SUMF1: variants seen among roughly 807,000 people sequenced by gnomAD.
The protein encoded by SUMF1 is sulfatase modifying factor 1.
SUMF1 carries 48 observed loss-of-function variants against 47.6 expected under a neutral mutation model. The observed-to-expected ratio is 1.01, with a 90% CI of 0.80 to 1.28. The LOEUF is 1.28. Ranked by LOEUF, SUMF1 falls within the 50% of genes most tolerant of loss-of-function variation. The pLI is 0.00. For missense variants in SUMF1, 571 were observed against 485.4 expected, an observed-to-expected ratio of 1.18 and a Z score of -1.66; for synonymous variants, 230 against 192.1, an observed-to-expected ratio of 1.20 and a Z score of -1.63.
At chr3:4,436,292 T>C (rs1702394982) in intron 3 of SUMF1, among the ~76,000 whole-genome samples, 1 of 152,180 alleles carries the variant, frequency 6.6e-6, no homozygotes, top group African/African-American at 2.4e-5. Context: ...CTTAAAGTGT[T>C]AAAATGTTAA....
At chr3:4,268,851 C>T (rs192943651) in intron 8 of SUMF1, among the ~76,000 whole-genome samples, 236 of 151,952 alleles carry the variant, frequency 1.6e-3, no homozygotes, top group Non-Finnish European at 2.4e-3. Context: ...AAAAAAAATA[C>T]CTTTAAAAAA....
At chr3:4,375,215 C>A (rs1700290699) in intron 8 of SUMF1, among the ~76,000 whole-genome samples, 2 of 148,056 alleles carry the variant, frequency 1.4e-5, no homozygotes, top group Admixed American at 1.3e-4. Flanking sequence ...TCTAAAGCAT[C>A]AATTGAGCTC....
intron 7 of SUMF1, among the ~76,000 whole-genome samples, chr3:4,386,047 C>T (rs1700662418): frequency 6.6e-6 from 1 of 151,650 alleles, no homozygotes; most frequent in South Asian, 2.1e-4. Flanking sequence ...AGTAGTAAGT[C>T]TTCAAATTGG....
intron 8 of SUMF1, among the ~76,000 whole-genome samples, chr3:4,350,161 A>C (rs9867078): frequency 0.16 from 23,610 of 151,492 alleles, 1,896 homozygotes; most frequent in Middle Eastern, 0.22. Flanking sequence ...CCACCACGCC[A>C]GGCTAATTTT....
intron 8 of SUMF1, among the ~76,000 whole-genome samples, chr3:4,296,203 A>G (rs1304056969): frequency 6.6e-6 from 1 of 152,022 alleles, no homozygotes; most frequent in Non-Finnish European, 1.5e-5. Flanking sequence ...TCCACCAGAT[A>G]GAAATTTCTT....
chr3:4,330,996 T>G (rs901678509), intron 8 of SUMF1, among the ~76,000 whole-genome samples: 3 of 152,212 alleles, frequency 2.0e-5, no homozygotes, highest in African/African-American at 7.2e-5. Flanking sequence ...AATGTGCTTT[T>G]GATATTAATA....
chr3:4,434,194 T>A (rs568093017), intron 3 of SUMF1, among the ~76,000 whole-genome samples: 3 of 152,054 alleles, frequency 2.0e-5, no homozygotes, highest in Non-Finnish European at 4.4e-5. Context: ...AAATGCATAA[T>A]GTTGATGGTT....
intron 8 of SUMF1, among the ~76,000 whole-genome samples, chr3:4,270,324 C>G (rs559458062): frequency 6.6e-6 from 1 of 152,142 alleles, no homozygotes; most frequent in Admixed American, 6.5e-5. Context: ...ACAGGGAGAT[C>G]AAGAGAGGGA....
At chr3:4,430,749 T>C (rs748118806) in intron 3 of SUMF1, among the ~76,000 whole-genome samples, 2 of 152,040 alleles carry the variant, frequency 1.3e-5, no homozygotes, top group Non-Finnish European at 2.9e-5. Context: ...AGAAGCTCAA[T>C]GAGCTATGGG....
At chr3:4,388,299 TTA>T in intron 7 of SUMF1, among the ~76,000 whole-genome samples, 1 of 152,188 alleles carries the variant, frequency 6.6e-6, no homozygotes, top group Middle Eastern at 3.4e-3. Context: ...ATTAACCATT[TTA>T]TCATTATATA....
chr3:4,446,684 T>A (rs1317002012), intron 3 of SUMF1, among the ~76,000 whole-genome samples: 2 of 152,166 alleles, frequency 1.3e-5, no homozygotes, highest in Admixed American at 6.5e-5. Context: ...TGATCACACC[T>A]GGGGATCCAG....
At chr3:4,352,228 T>C (rs1699518418) in intron 8 of SUMF1, among the ~76,000 whole-genome samples, 1 of 152,246 alleles carries the variant, frequency 6.6e-6, no homozygotes, top group South Asian at 2.1e-4. Context: ...CACTCAACCG[T>C]GTCACCTGGG....
In SUMF1 at chr3:4,068,357, C is replaced by G. The variant is rs554958004; in HGVS notation, c.1191+212G>C. 7.9e-5 allele frequency among the ~76,000 whole-genome samples: 12 copies of G among 152,094 alleles called. 1 individual carries two copies. In the South Asian group the frequency reaches 2.5e-3, roughly 32 times the overall value. On this transcript the variant is annotated intron_variant and NMD_transcript_variant, in intron 9 of 12. Transcript: ENST00000448413. ...CTGTCTAATAGAAATATAATGTGAG[C>G]CACATTATCAAAGTTTCAAAAATTT...
intron 8 of SUMF1, among the ~76,000 whole-genome samples, chr3:4,366,788 C>T (rs959971164): frequency 5.8e-4 from 61 of 105,432 alleles, no homozygotes; most frequent in East Asian, 1.8e-3. Context: ...GGAGGAGAGG[C>T]GCTCTGCTTT....
At chr3:4,388,050 G>A (rs1187634947) in intron 7 of SUMF1, among the ~76,000 whole-genome samples, 1 of 152,020 alleles carries the variant, frequency 6.6e-6, no homozygotes, top group Non-Finnish European at 1.5e-5. Flanking sequence ...TGCAGTTATA[G>A]GGTAGACAGT....
chr3:4,276,100 T>G (rs1161005342), intron 8 of SUMF1, among the ~76,000 whole-genome samples: 1 of 152,164 alleles, frequency 6.6e-6, no homozygotes, highest in Non-Finnish European at 1.5e-5. Context: ...TTTCTCAGAT[T>G]CCATCTTCCC....
chr3:4,381,237 A>G (rs1312564746), intron 7 of SUMF1, among the ~76,000 whole-genome samples: 2 of 152,204 alleles, frequency 1.3e-5, no homozygotes, highest in Non-Finnish European at 2.9e-5. Context: ...TAACTCAGGA[A>G]TGGAAAACCA....
intron 8 of SUMF1, among the ~76,000 whole-genome samples, chr3:4,252,038 C>A (rs923253819): frequency 1.3e-5 from 2 of 152,154 alleles, no homozygotes; most frequent in African/African-American, 4.8e-5. Context: ...ACCAAACCTG[C>A]AATATCTGCA....
At chr3:4,451,541 G>T (rs947621412) in intron 2 of SUMF1, among the ~76,000 whole-genome samples, 2 of 152,114 alleles carry the variant, frequency 1.3e-5, no homozygotes. Context: ...CCCAAATTCT[G>T]CTTATTCTAT....
Sources: allele counts gnomAD v4.1 joint callset (sites outside exome capture counted in the v4.1 genomes callset), GRCh38; gene constraint gnomAD v4.1.1; transcripts MANE v1.5; gene names NCBI Gene and HGNC (gene_info 2026-07-23, HGNC 2026-07-21).